The following SFSWAP variants were observed in gnomAD, a reference collection of about 807,000 sequenced individuals.
SFSWAP encodes the protein splicing factor SWAP.
Under a neutral mutation model 100.7 loss-of-function variants are expected in SFSWAP, and 17 were observed. That is an observed-to-expected ratio of 0.17 (90% CI 0.12 to 0.25). The LOEUF (loss-of-function observed/expected upper bound fraction) is 0.25. Among genes scored for constraint, SFSWAP ranks in the 10% least tolerant of loss-of-function variants. The pLI is 1.00. For missense variants in SFSWAP, 1,005 were observed against 1,262.6 expected (o/e 0.80, Z 3.09); for synonymous variants, 504 against 510.1 (o/e 0.99, Z 0.16).
intron 7 of SFSWAP, among the ~76,000 whole-genome samples, chr12:131,741,536 G>A (rs766686436): frequency 1.3e-5 from 2 of 151,794 alleles, no homozygotes; most frequent in Admixed American, 6.6e-5. Context: ...GCTGGGGAGA[G>A]TGAGGTGTGG....
At chr12:131,770,150 G>A (rs1055157967) in intron 13 of SFSWAP, among the ~76,000 whole-genome samples, 2 of 152,202 alleles carry the variant, frequency 1.3e-5, no homozygotes, top group African/African-American at 4.8e-5. Flanking sequence ...AACAACTTCT[G>A]GGACAGGTTA....
rs931586609 is a variant in SFSWAP, at chr12:131,794,373, TAA to T, written c.2535-2792_2535-2791del. Among the ~76,000 whole-genome samples, 4 of 140,840 alleles carry T rather than the reference TAA, an allele frequency of 2.8e-5. No individual in the cohort carries two copies. Among genetic ancestry groups the T allele is most frequent in the African/African-American group, 7.8e-5 (3 of 38,478 alleles). The allele number at this position is 140,840 out of a possible 152,430, so 92.4% of individuals were successfully genotyped here. On this transcript the variant is annotated intron_variant, in intron 15 of 17. Transcript: ENST00000261674. The surrounding 1 kb of genome is among the most constrained non-coding windows in gnomAD (Gnocchi z 4.8). ...TTTGGTAGAGACCCCCATCTCTACT[TAA>T]AAAAAAAAAAAATTAGCCATTTGTG...
chr12:131,793,707 CTG>C (rs1162568299), intron 15 of SFSWAP, among the ~76,000 whole-genome samples: 2 of 152,084 alleles, frequency 1.3e-5, no homozygotes, highest in African/African-American at 4.8e-5. Context: ...TGACAAAAGC[CTG>C]TGTCAGTACC....
chr12:131,721,457 T>C (rs1428848612), intron 4 of SFSWAP, among the ~76,000 whole-genome samples: 1 of 152,232 alleles, frequency 6.6e-6, no homozygotes, highest in Non-Finnish European at 1.5e-5. Context: ...TTATTATGCA[T>C]GAGAGACACA....
chr12:131,774,521 C>T (rs1883859910), intron 13 of SFSWAP, among the ~76,000 whole-genome samples: 1 of 152,166 alleles, frequency 6.6e-6, no homozygotes, highest in Non-Finnish European at 1.5e-5. Flanking sequence ...CCGGACTCTA[C>T]CTAAACCAAT....
intron 15 of SFSWAP, 74 bp downstream of exon 15, chr12:131,786,662 C>A: frequency 6.7e-7 from 1 of 1,483,050 alleles, no homozygotes; most frequent in Non-Finnish European, 9.0e-7. Context: ...GTCTGAAGGT[C>A]GGGTATCTGT....
At position 131,711,634 on chromosome 12, in the gene SFSWAP, A is replaced by G. The variant is rs1593100299; in HGVS notation, c.218+187A>G. On this transcript the variant is annotated intron_variant, in intron 1 of 17. Coordinates refer to ENST00000261674, the MANE Select transcript of SFSWAP (RefSeq NM_004592.4). The surrounding 1 kb of genome is among the most constrained non-coding windows in gnomAD (Gnocchi z 4.9). The stretch of plus-strand genomic sequence containing the variant: ...GGAGGGGGACGGTGAAACCTGCCCT[A>G]AGGCACTGGCTGGAATTGCGTGCCG... 14 of 593,156 alleles carry G rather than the reference A, an allele frequency of 2.4e-5. No individual in the cohort carries two copies. In the East Asian group the frequency reaches 4.0e-4, roughly 17 times the overall value. 36.7% of individuals were successfully genotyped at this position (593,156 alleles called of 1,614,324 possible).
At chr12:131,775,138 A>G (rs1399918317) in intron 13 of SFSWAP, among the ~76,000 whole-genome samples, 2 of 152,144 alleles carry the variant, frequency 1.3e-5, no homozygotes, top group African/African-American at 4.8e-5. Context: ...CCAATCACAC[A>G]CCAAATTAGT....
At chr12:131,765,658 A>G (rs1883055237) in intron 12 of SFSWAP, among the ~76,000 whole-genome samples, 1 of 152,128 alleles carries the variant, frequency 6.6e-6, no homozygotes, top group African/African-American at 2.4e-5. Context: ...TCAAAGAAAA[A>G]AAAAAAAAGC....
At chr12:131,738,925 G>A (rs547006744) in intron 7 of SFSWAP, among the ~76,000 whole-genome samples, 5 of 73,598 alleles carry the variant, frequency 6.8e-5, no homozygotes, top group Admixed American at 2.1e-4. Context: ...AGGGTCTCTC[G>A]CTCTGTCACC....
chr12:131,777,384 C>T (rs1191610045), intron 13 of SFSWAP, among the ~76,000 whole-genome samples: 2 of 152,120 alleles, frequency 1.3e-5, no homozygotes, highest in African/African-American at 4.8e-5. Context: ...TGAGTGAGAA[C>T]ATGCGGTGTT....
At chr12:131,753,000 G>T (rs986862889) in intron 7 of SFSWAP, 123 bp from the exon 8 acceptor site, 10 of 1,405,038 alleles carry the variant, frequency 7.1e-6, no homozygotes, top group Non-Finnish European at 3.9e-6. Context: ...AAAACAGCAT[G>T]GTTGGAAGTG....
At chr12:131,721,354 T>G (rs1046804865) in intron 4 of SFSWAP, among the ~76,000 whole-genome samples, 4 of 152,230 alleles carry the variant, frequency 2.6e-5, no homozygotes, top group Admixed American at 1.3e-4. Flanking sequence ...TAGTTAAAGC[T>G]GAAATTACCC....
intron 14 of SFSWAP, among the ~76,000 whole-genome samples, chr12:131,779,213 G>A (rs73160787): frequency 0.34 from 28,800 of 85,570 alleles, 3,369 homozygotes; most frequent in Non-Finnish European, 0.48. Flanking sequence ...ATGAGTGTGT[G>A]TGAAGAGGGC....
chr12:131,777,298 C>A (rs1884103744), intron 13 of SFSWAP, among the ~76,000 whole-genome samples: 2 of 152,150 alleles, frequency 1.3e-5, no homozygotes, highest in Non-Finnish European at 2.9e-5. Flanking sequence ...CCCGCTCACC[C>A]CACCCCACAA....
intron 11 of SFSWAP, 180 bp downstream of exon 11, chr12:131,756,824 C>T (rs1379044867): frequency 5.1e-6 from 3 of 592,830 alleles, no homozygotes; most frequent in East Asian, 2.8e-5. Context: ...CCTCGCGTGG[C>T]ATTGGAGGTA....
intron 14 of SFSWAP, chr12:131,783,630 A>G (rs2136266679): frequency 6.6e-6 from 1 of 151,636 alleles, no homozygotes; most frequent in South Asian, 2.1e-4. Context: ...AAAAATACAA[A>G]AAATTAGCCG....
In SFSWAP at chr12:131,787,084, G is replaced by T. The variant is rs916759970; in HGVS notation, c.2534+496G>T. ...GCCTAGAGGGCAGGGAGCATCCATCGCTTACCTCTTGACCACTAAGGAGAG... is the reference window on the plus strand; with the variant it reads ...GCCTAGAGGGCAGGGAGCATCCATCTCTTACCTCTTGACCACTAAGGAGAG... On this transcript the variant is annotated intron_variant, in intron 15 of 17. Transcript: ENST00000261674. Among the ~76,000 whole-genome samples, 7 of 152,154 alleles carry T rather than the reference G, an allele frequency of 4.6e-5. No homozygotes were observed. The South Asian group carries it at 1.2e-3, about 27-fold the overall frequency.
chr12:131,723,275 G>A (rs1261888636), intron 4 of SFSWAP: 2 of 152,152 alleles, frequency 1.3e-5, no homozygotes, highest in Non-Finnish European at 2.9e-5. Context: ...GACGTCTAAT[G>A]AGCCTTAACT....
Sources: allele counts gnomAD v4.1 joint callset (sites outside exome capture counted in the v4.1 genomes callset), GRCh38; gene constraint gnomAD v4.1.1; non-coding constraint Gnocchi (gnomAD v3.1); transcripts MANE v1.5; gene names NCBI Gene and HGNC (gene_info 2026-07-23, HGNC 2026-07-21).